HIVEP3: variants seen among roughly 807,000 people sequenced by gnomAD.
The protein encoded by HIVEP3 is HIVEP zinc finger 3.
In HIVEP3, 49 loss-of-function variants were observed where a neutral mutation model predicts 152.8. The observed-to-expected ratio is 0.32, with a 90% CI of 0.26 to 0.41. The LOEUF is 0.41. Among genes scored for constraint, HIVEP3 ranks in the 10% least tolerant of loss-of-function variants. HIVEP3 has a pLI of 1.00. For missense variants in HIVEP3, 2,790 were observed against 3,103.3 expected (o/e 0.90, Z 2.40); for synonymous variants, 1,269 against 1,289.0 (o/e 0.98, Z 0.33).
chr1:41,510,628 C>G lies in HIVEP3; in HGVS notation c.7044G>C (p.Pro2348=). The part of the protein sequence containing the change: ...PTNPEPSATP[P]LDRSSSVGCL... ...AGCCCACAGAGCTGCTGCGGTCCAG[C>G]GGCGGGGTGGCAGAAGGCTCGGGGT... Residue 2348 remains proline (P), a synonymous_variant, in exon 9 of 9, where the codon CCG becomes CCC. Coordinates refer to ENST00000372583, the MANE Select transcript of HIVEP3 (RefSeq NM_024503.5). 2.6e-6 allele frequency: 4 copies of G among 1,545,408 alleles called. No individual in the cohort carries two copies. Among genetic ancestry groups the G allele is most frequent in the Non-Finnish European group, 3.5e-6 (4 of 1,144,106 alleles).
chr1:41,580,398 G>A lies in HIVEP3; in HGVS notation c.4400C>T (p.Pro1467Leu), dbSNP rs758641818. The A allele has an allele frequency of 6.2e-7, 1 of 1,614,190 alleles. No homozygotes were observed. The highest frequency in any genetic ancestry group is 2.2e-5 in the East Asian group (1 of 44,884). ...KADEKLELVK[P>L]CSVVLTSTED... is the part of the protein sequence containing the mutation. ...GGTGCTGGTAAGGACCACACTGCAT[G>A]GTTTTACCAGCTCAAGTTTTTCATC... Residue 1467 changes from proline (P) to leucine (L), a missense_variant, in exon 4 of 9, where the codon CCA becomes CTA. This residue lies in a region of HIVEP3 where 1,078 missense variants were observed against 1,165.3 expected (regional missense o/e 0.93). Transcript: ENST00000372583.
chr1:41,864,277 CAG>C (rs1643929035), intron 1 of HIVEP3, among the ~76,000 whole-genome samples: 1 of 152,146 alleles, frequency 6.6e-6, no homozygotes, highest in Non-Finnish European at 1.5e-5. Context: ...GCGTAGCAAG[CAG>C]AGAGCTGGAG....
Position 41,945,232 on chromosome 1 carries a change from C to T in HIVEP3, n.120-26708G>A, listed in dbSNP as rs138645810. Among the ~76,000 whole-genome samples the T allele has an allele frequency of 3.3e-3, 495 of 152,168 alleles. 3 individuals carry two copies. The highest frequency in any genetic ancestry group is 0.011 in the African/African-American group (470 of 41,518). On this transcript the variant is annotated intron_variant and non_coding_transcript_variant, in intron 1 of 3. Transcript: ENST00000489103. The stretch of plus-strand genomic sequence containing the variant: ...ATAAGGACCCCGCCTTCAACCCAAA[C>T]GGTACAAAAGGAGATAGACAAAGGG...
intron 1 of HIVEP3, among the ~76,000 whole-genome samples, chr1:41,901,248 G>C (rs1644617280): frequency 6.6e-6 from 1 of 152,056 alleles, no homozygotes; most frequent in Non-Finnish European, 1.5e-5. Flanking sequence ...AAGGGGCTGG[G>C]GTGTGGGTTG....
intron 1 of HIVEP3, among the ~76,000 whole-genome samples, chr1:41,945,001 T>C (rs1645067194): frequency 6.6e-6 from 1 of 152,206 alleles, no homozygotes. Flanking sequence ...CCTGACCTCC[T>C]GAGAGAAGTA....
chr1:41,746,169 C>T (rs1647068227), intron 1 of HIVEP3, among the ~76,000 whole-genome samples: 1 of 152,114 alleles, frequency 6.6e-6, no homozygotes. Flanking sequence ...TAAAAAGAGC[C>T]ATAGATTATA....
intron 3 of HIVEP3, among the ~76,000 whole-genome samples, chr1:41,618,388 T>A (rs1644999943): frequency 6.6e-6 from 1 of 152,180 alleles, no homozygotes; most frequent in East Asian, 1.9e-4. Context: ...AGGGCCTCAG[T>A]GTTTGCAAAA....
At chr1:41,810,790 C>T (rs919628736) in intron 1 of HIVEP3, among the ~76,000 whole-genome samples, 4 of 152,202 alleles carry the variant, frequency 2.6e-5, no homozygotes, top group South Asian at 2.1e-4. Flanking sequence ...CACTGTTGTA[C>T]CTCATTTTAA....
intron 2 of HIVEP3, among the ~76,000 whole-genome samples, chr1:41,633,500 C>T (rs1378925757): frequency 6.6e-6 from 1 of 152,172 alleles, no homozygotes; most frequent in Non-Finnish European, 1.5e-5. Context: ...CAGGGAGGTA[C>T]TGGGAGCAGA....
Position 41,583,563 on chromosome 1 carries a change from T to G in HIVEP3, c.1235A>C (p.Lys412Thr). 4 of 1,614,100 alleles carry G rather than the reference T, an allele frequency of 2.5e-6. No homozygotes were observed. The South Asian group carries it at 4.4e-5, about 18-fold the overall frequency. ...QQVSPPNTNA[K>T]SYAEIIFGKC... Reference sequence around the variant, plus strand: ...GCCAAAGATGATCTCAGCGTAGGACTTGGCGTTGGTGTTTGGGGGGCTGAC... The same window carrying G: ...GCCAAAGATGATCTCAGCGTAGGACGTGGCGTTGGTGTTTGGGGGGCTGAC... The change falls in exon 4 of 9, where the codon AAG becomes ACG. Residue 412 changes from lysine to threonine, a missense_variant. Lys to Thr is a moderately conservative substitution (Grantham distance 78). Coordinates refer to ENST00000372583, the MANE Select transcript of HIVEP3 (RefSeq NM_024503.5). This position sits in a 1 kb window ranked among gnomAD's most constrained non-coding sequence, Gnocchi z 6.9.
intron 3 of HIVEP3, among the ~76,000 whole-genome samples, chr1:41,616,080 T>C (rs1644964453): frequency 6.6e-6 from 1 of 152,100 alleles, no homozygotes; most frequent in African/African-American, 2.4e-5. Context: ...GGGGAGCTTC[T>C]GTCACCTCTC....
chr1:41,564,488 A>C (rs1334867042), intron 5 of HIVEP3, among the ~76,000 whole-genome samples: 2 of 152,086 alleles, frequency 1.3e-5, no homozygotes, highest in Admixed American at 1.3e-4. Context: ...CCACACCAAG[A>C]CCCATCACTG....
intron 5 of HIVEP3, among the ~76,000 whole-genome samples, chr1:41,544,826 C>T (rs1643654793): frequency 7.9e-6 from 1 of 126,754 alleles, no homozygotes; most frequent in Non-Finnish European, 1.7e-5. Context: ...CCTCTACCAC[C>T]ACCATCACCA....
At chr1:41,849,768 G>T (rs1643544036) in intron 1 of HIVEP3, among the ~76,000 whole-genome samples, 1 of 150,198 alleles carries the variant, frequency 6.7e-6, no homozygotes, top group African/African-American at 2.5e-5. Context: ...TCGGCTCACT[G>T]CAACCTCTGC....
intron 1 of HIVEP3, among the ~76,000 whole-genome samples, chr1:41,964,882 A>G (rs1024243152): frequency 2.6e-5 from 4 of 152,232 alleles, no homozygotes; most frequent in Non-Finnish European, 4.4e-5. Flanking sequence ...TTCCCCCAAG[A>G]GCAGTGCACC....
chr1:41,989,270 C>T (rs980328374), intron 1 of HIVEP3, among the ~76,000 whole-genome samples: 4 of 152,078 alleles, frequency 2.6e-5, no homozygotes, highest in African/African-American at 9.7e-5. Context: ...TGTTAATTAG[C>T]TTGATTTAGT....
intron 2 of HIVEP3, among the ~76,000 whole-genome samples, chr1:41,655,544 T>C (rs930869425): frequency 3.0e-5 from 4 of 132,500 alleles, no homozygotes; most frequent in African/African-American, 1.2e-4. Context: ...GATTGTGCCA[T>C]TGCACTCCAG....
At chr1:41,596,625 C>T (rs998853587) in intron 3 of HIVEP3, among the ~76,000 whole-genome samples, 1 of 152,176 alleles carries the variant, frequency 6.6e-6, no homozygotes, top group African/African-American at 2.4e-5. Context: ...TATTTAAAAA[C>T]ACTTAACTGA....
intron 1 of HIVEP3, among the ~76,000 whole-genome samples, chr1:41,798,804 A>G (rs1650131997): frequency 1.3e-5 from 2 of 152,230 alleles, no homozygotes; most frequent in Non-Finnish European, 2.9e-5. Flanking sequence ...CACTTTCCAC[A>G]TGAGCTACCT....
Sources: allele counts gnomAD v4.1 joint callset (sites outside exome capture counted in the v4.1 genomes callset), GRCh38; gene constraint gnomAD v4.1.1; regional missense constraint gnomAD v4.1.1; non-coding constraint Gnocchi (gnomAD v3.1); transcripts MANE v1.5; gene names NCBI Gene and HGNC (gene_info 2026-07-23, HGNC 2026-07-21).